Variants in XIST observed in about 807,000 individuals in gnomAD.
XIST encodes the protein X inactive specific transcript, also known as X inactive specific transcript (non-protein coding).
chrX:73,843,100 G>A (rs749980148), exon 1 of XIST: 9 of 556,217 alleles, frequency 1.6e-5, no homozygotes, highest in African/African-American at 6.7e-5. Context: ...TGGGGCGCTT[G>A]CTTAACAAGG....
At chrX:73,843,908 G>A in exon 1 of XIST, 1 of 557,376 alleles carries the variant, frequency 1.8e-6, no homozygotes, top group Non-Finnish European at 3.2e-6. Context: ...TTAATCTACT[G>A]ACAAAGACAA....
chrX:73,851,739 C>T (rs1569512930), exon 1 of XIST: 2 of 559,038 alleles, frequency 3.6e-6, no homozygotes, highest in South Asian at 2.2e-5. Context: ...TCTGCCTGAC[C>T]TGCTATCATC....
exon 6 of XIST, chrX:73,824,881 T>C (rs1374539696): frequency 1.8e-6 from 1 of 553,736 alleles, no homozygotes; most frequent in East Asian, 3.3e-5. Flanking sequence ...CTGAATAGTA[T>C]AGAGGATAAA....
exon 6 of XIST, chrX:73,820,960 T>G (rs1922097138): frequency 7.2e-6 from 4 of 557,356 alleles, no homozygotes; most frequent in Non-Finnish European, 1.3e-5. Flanking sequence ...TTCATTTATG[T>G]GAATAAAGCA....
At chrX:73,823,870 T>G in exon 6 of XIST, 1 of 558,532 alleles carries the variant, frequency 1.8e-6, no homozygotes, top group South Asian at 2.2e-5. Flanking sequence ...GAGCACTCTA[T>G]AATGATAACA....
chrX:73,823,138 C>G (rs1200491544), exon 6 of XIST: 2 of 553,264 alleles, frequency 3.6e-6, no homozygotes, highest in Non-Finnish European at 6.5e-6. Flanking sequence ...ACATCTTGAA[C>G]CATTTAACTG....
chrX:73,839,950 C>G (rs67753620), intron 1 of XIST, among the ~76,000 whole-genome samples: 10,368 of 110,179 alleles, frequency 0.094, 609 homozygotes, highest in African/African-American at 0.21. Context: ...AATTTAATTA[C>G]CAATAGAAGA....
At chrX:73,849,818 G>C (rs1435110346) in exon 1 of XIST, 1 of 477,699 alleles carries the variant, frequency 2.1e-6, no homozygotes, top group Non-Finnish European at 3.8e-6. Flanking sequence ...GGGCGGGACT[G>C]AGGAACTAGG....
rs1042786177 is a variant in XIST, at chrX:73,829,328, T to A, written n.11753-97A>T. On this transcript the variant is annotated intron_variant and non_coding_transcript_variant, in intron 4 of 5. Transcript: ENST00000429829. ...TCAAATTAATAAGCAATAGAAAATGTTTCCACAGAACTTTGAAACCTATAA... is the reference window on the plus strand; with the variant it reads ...TCAAATTAATAAGCAATAGAAAATGATTCCACAGAACTTTGAAACCTATAA... 2.5e-5 allele frequency: 11 copies of A among 446,099 alleles called. No homozygotes were observed. In the Admixed American group the frequency reaches 3.4e-4, roughly 14 times the overall value. 36.8% of individuals were successfully genotyped at this position (446,099 alleles called of 1,213,427 possible). A position where few individuals can be genotyped will look rare whatever the true frequency, so the allele number is the denominator to read the frequency against.
chrX:73,851,411 CCAT>C (rs1922938777), exon 1 of XIST: 2 of 557,539 alleles, frequency 3.6e-6, no homozygotes, highest in African/African-American at 2.2e-5. Flanking sequence ...ATGTCCACCA[CCAT>C]GCTAACCACT....
At chrX:73,826,745 G>C (rs759319563) in exon 6 of XIST, 8 of 556,473 alleles carry the variant, frequency 1.4e-5, no homozygotes, top group Non-Finnish European at 2.6e-5. Context: ...TACCTTTTTC[G>C]CTTGGGTCCT....
intron 2 of XIST, among the ~76,000 whole-genome samples, chrX:73,834,402 T>C (rs1001898457): frequency 2.7e-5 from 3 of 112,759 alleles, no homozygotes; most frequent in African/African-American, 9.7e-5. Flanking sequence ...GGTGATGACA[T>C]ACTCAAAGAG....
At chrX:73,826,612 G>A (rs1237017869) in exon 6 of XIST, 8 of 557,619 alleles carry the variant, frequency 1.4e-5, no homozygotes, top group South Asian at 4.5e-5. Context: ...AGTAAGAAGT[G>A]TAAACAATAG....
chrX:73,842,578 G>A (rs931530719), exon 1 of XIST: 5 of 556,896 alleles, frequency 9.0e-6, no homozygotes, highest in Non-Finnish European at 1.6e-5. Flanking sequence ...CACCAAAGTG[G>A]TAGGGAGATC....
At chrX:73,820,898 G>A (rs754670559) in exon 6 of XIST, 54 of 557,681 alleles carry the variant, frequency 9.7e-5, no homozygotes, top group Admixed American at 7.6e-4. Context: ...GGACAATGAC[G>A]AAGCCACTTA....
Position 73,828,177 on chromosome X carries a change from A to G in XIST, n.11917-193T>C, listed in dbSNP as rs1922307295. On this transcript the variant is annotated intron_variant and non_coding_transcript_variant, in intron 5 of 5. Coordinates refer to ENST00000429829, the Ensembl canonical transcript of XIST. ...TTATAGTACTACAATAATAACAACCACCAATACCAACACAGATGCTCTTCT... is the reference window on the plus strand; with the variant it reads ...TTATAGTACTACAATAATAACAACCGCCAATACCAACACAGATGCTCTTCT... 1.3e-5 allele frequency: 5 copies of G among 385,760 alleles called. No homozygotes were observed. In the East Asian group the frequency reaches 2.0e-4, roughly 16 times the overall value. The allele number at this position is 385,760 out of a possible 1,213,427, so 31.8% of individuals were successfully genotyped here.
Position 73,823,345 on chromosome X carries a change from G to A in XIST, n.16556C>T, listed in dbSNP as rs745640508. 1.6e-5 allele frequency: 8 copies of A among 486,411 alleles called. No individual in the cohort carries two copies. In the African/African-American group the frequency reaches 2.0e-4, roughly 12 times the overall value. The allele number at this position is 486,411 out of a possible 1,213,427, so 40.1% of individuals were successfully genotyped here. ...TTTTTTTAATCTCAAAGGCAATTGAGTGGGTCTTCTGGGCCAGACCTATTT... is the reference window on the plus strand; with the variant it reads ...TTTTTTTAATCTCAAAGGCAATTGAATGGGTCTTCTGGGCCAGACCTATTT... On this transcript the variant is annotated non_coding_transcript_exon_variant, in exon 6 of 6. Transcript: ENST00000429829.
At chrX:73,828,047 A>G in intron 5 of XIST, 1 of 460,142 alleles carries the variant, frequency 2.2e-6, no homozygotes, top group Non-Finnish European at 3.8e-6. Flanking sequence ...AAGAGGCAAG[A>G]TACAGTGAGG....
exon 1 of XIST, chrX:73,843,175 G>A: frequency 1.8e-6 from 1 of 558,486 alleles, no homozygotes. Flanking sequence ...GAGAAGTTTT[G>A]AGTAGTCAGC....
Sources: allele counts gnomAD v4.1 joint callset (sites outside exome capture counted in the v4.1 genomes callset), GRCh38; gene constraint gnomAD v4.1.1; transcripts MANE v1.5; gene names NCBI Gene and HGNC (gene_info 2026-07-23, HGNC 2026-07-21).